TMEM140: variants seen among roughly 807,000 people sequenced by gnomAD.
The protein encoded by TMEM140 is transmembrane protein 140.
For synonymous variants in TMEM140, 107 were observed against 106.8 expected, an observed-to-expected ratio of 1.00 and a Z score of -0.01; for missense variants, 236 against 228.5, an observed-to-expected ratio of 1.03 and a Z score of -0.21.
intron 1 of TMEM140, among the ~76,000 whole-genome samples, chr7:135,157,740 A>G (rs1829829904): frequency 1.3e-5 from 2 of 152,208 alleles, no homozygotes; most frequent in South Asian, 4.1e-4. Flanking sequence ...CCCCAGTCTC[A>G]CAGCCACCTG....
intron 1 of TMEM140, among the ~76,000 whole-genome samples, chr7:135,153,330 T>C (rs1829707747): frequency 6.6e-6 from 1 of 151,954 alleles, no homozygotes; most frequent in Non-Finnish European, 1.5e-5. Context: ...GTCACGCACC[T>C]GTAGTCCTAG....
At position 135,164,858 on chromosome 7, in the gene TMEM140, G is replaced by C; in HGVS notation, c.417G>C (p.Trp139Cys). 1 of 1,613,996 alleles carries C rather than the reference G, an allele frequency of 6.2e-7. No homozygotes were observed. Among genetic ancestry groups the C allele is most frequent in the Non-Finnish European group, 8.5e-7 (1 of 1,179,886 alleles). Residue 139 changes from tryptophan to cysteine, a missense_variant, in exon 2 of 2, where the codon TGG becomes TGC. Transcript: ENST00000275767. The stretch of plus-strand genomic sequence containing the variant: ...TGGGCCTCTTCCTCTCCTATGTGTG[G>C]AAGTGGGTCAGGCTCTCCCTCCCGG... ...GGLGLFLSYV[W>C]KWVRLSLPGP...
At chr7:135,160,761 C>T (rs542907250) in intron 1 of TMEM140, among the ~76,000 whole-genome samples, 1 of 151,898 alleles carries the variant, frequency 6.6e-6, no homozygotes, top group Non-Finnish European at 1.5e-5. Flanking sequence ...AAAAAAGAGC[C>T]CCTACTGTGT....
At chr7:135,154,470 C>G (rs919363875) in intron 1 of TMEM140, among the ~76,000 whole-genome samples, 3 of 152,132 alleles carry the variant, frequency 2.0e-5, no homozygotes, top group Non-Finnish European at 4.4e-5. Context: ...GATCTTTCTA[C>G]TTTTTTGATG....
intron 1 of TMEM140, among the ~76,000 whole-genome samples, chr7:135,159,329 T>C (rs759725546): frequency 5.3e-5 from 8 of 152,198 alleles, no homozygotes; most frequent in Non-Finnish European, 8.8e-5. Context: ...ACCTGACAAA[T>C]ACATAATTTA....
At chr7:135,157,063 CCT>C (rs1039641130) in intron 1 of TMEM140, among the ~76,000 whole-genome samples, 4 of 152,226 alleles carry the variant, frequency 2.6e-5, no homozygotes, top group Admixed American at 6.5e-5. Context: ...TCCAATTAAA[CCT>C]CTTTTTCTTC....
chr7:135,154,872 T>C (rs11971114), intron 1 of TMEM140, among the ~76,000 whole-genome samples: 73,784 of 152,088 alleles, frequency 0.49, 18,262 homozygotes, highest in South Asian at 0.66. Context: ...TAAAGTTCAA[T>C]TTAAGTACAA....
At chr7:135,148,660 C>T (rs1210950997) in intron 1 of TMEM140, among the ~76,000 whole-genome samples, 1 of 152,154 alleles carries the variant, frequency 6.6e-6, no homozygotes, top group African/African-American at 2.4e-5. Context: ...AGCAGGTCAC[C>T]GACCAACACT....
chr7:135,164,391 G>A (rs1554390415), intron 1 of TMEM140, 27 bp from the exon 2 acceptor site: 2 of 1,530,684 alleles, frequency 1.3e-6, no homozygotes, highest in South Asian at 2.4e-5. Context: ...AGGGAGAGAT[G>A]GACTGACTGC....
intron 1 of TMEM140, among the ~76,000 whole-genome samples, chr7:135,153,899 T>C (rs1012775029): frequency 6.6e-6 from 1 of 152,212 alleles, no homozygotes; most frequent in African/African-American, 2.4e-5. Flanking sequence ...TTTTTAATAG[T>C]TTCAGGATTA....
At chr7:135,154,197 G>T (rs1181390883) in intron 1 of TMEM140, among the ~76,000 whole-genome samples, 1 of 151,990 alleles carries the variant, frequency 6.6e-6, no homozygotes, top group Non-Finnish European at 1.5e-5. Context: ...ATTTCTGATT[G>T]TGTTTATTTG....
intron 1 of TMEM140, 130 bp downstream of exon 1, chr7:135,148,400 C>T (rs1026029375): frequency 3.9e-5 from 12 of 311,624 alleles, no homozygotes; most frequent in African/African-American, 2.7e-4. Flanking sequence ...TGTTCAGTAT[C>T]TGTGACCCTC....
intron 1 of TMEM140, among the ~76,000 whole-genome samples, chr7:135,152,136 T>C (rs1443722729): frequency 6.6e-6 from 1 of 152,232 alleles, no homozygotes; most frequent in Non-Finnish European, 1.5e-5. Context: ...AAATAAGTTA[T>C]ATAATTAAAG....
chr7:135,155,828 G>A (rs1488864505), intron 1 of TMEM140, among the ~76,000 whole-genome samples: 1 of 152,204 alleles, frequency 6.6e-6, no homozygotes, highest in African/African-American at 2.4e-5. Flanking sequence ...TCCAGGTTGA[G>A]TGACAAAGCA....
rs373471336 is a variant in TMEM140 at position 135,161,281 on chromosome 7, G to A, written c.-24-3137G>A. 6.6e-6 allele frequency among the ~76,000 whole-genome samples: 1 copy of A among 152,180 alleles called. No individual in the cohort carries two copies. The highest frequency in any genetic ancestry group is 1.5e-5 in the Non-Finnish European group (1 of 68,032). On this transcript the variant is annotated intron_variant, in intron 1 of 1. Transcript: ENST00000275767. This position sits in a 1 kb window ranked among gnomAD's most constrained non-coding sequence, Gnocchi z 4.1. ...GCAAGGTGGCTGATGCAATCTCCCC[G>A]AGGAGCCACATTAATTTTTAAAAAG... is the stretch of plus-strand genomic sequence containing the variant.
chr7:135,152,915 G>A (rs1393948263), intron 1 of TMEM140: 1 of 152,226 alleles, frequency 6.6e-6, no homozygotes, highest in Non-Finnish European at 1.5e-5. Flanking sequence ...GCCCGATGGG[G>A]AAGGGGCTGC....
chr7:135,156,484 G>A (rs1829796715), intron 1 of TMEM140, among the ~76,000 whole-genome samples: 1 of 151,780 alleles, frequency 6.6e-6, no homozygotes, highest in African/African-American at 2.4e-5. Context: ...TCTGCTTGGT[G>A]TAGTCTACTG....
intron 1 of TMEM140, among the ~76,000 whole-genome samples, chr7:135,159,091 G>A (rs1247829258): frequency 6.6e-6 from 1 of 152,186 alleles, no homozygotes; most frequent in Non-Finnish European, 1.5e-5. Context: ...CACATCAGGA[G>A]CCTCTCCCGA....
Position 135,165,014 on chromosome 7 carries a change from G to C in TMEM140, c.*15G>C, listed in dbSNP as rs375469494. On this transcript the variant is annotated 3_prime_UTR_variant, in exon 2 of 2. Coordinates refer to ENST00000275767, the MANE Select transcript of TMEM140 (RefSeq NM_018295.5). The stretch of plus-strand genomic sequence containing the variant: ...AGAGCTGCTAAAGGCTTACGTGATT[G>C]CAAGGGTTCAGTTCCAACCATGGTC... 9.6e-6 allele frequency: 15 copies of C among 1,558,780 alleles called. No individual in the cohort carries two copies. The highest frequency in any genetic ancestry group is 1.3e-5 in the Non-Finnish European group (15 of 1,150,106).
Sources: gnomAD v4.1 joint callset for allele counts (sites outside exome capture counted in the v4.1 genomes callset) on GRCh38, gnomAD v4.1.1 for gene constraint, Gnocchi (gnomAD v3.1) non-coding constraint, MANE v1.5 for transcripts, NCBI Gene and HGNC (gene_info 2026-07-23, HGNC 2026-07-21) for gene names.